Variants in SPIDR observed in about 807,000 individuals in gnomAD.
SPIDR encodes scaffold protein involved in DNA repair, also known as DNA repair-scaffolding protein.
SPIDR carries 93 observed loss-of-function variants against 104.6 expected under a neutral mutation model. That is an observed-to-expected ratio of 0.89 (90% CI 0.75 to 1.06). The LOEUF is 1.06. Ranked by LOEUF, SPIDR falls within the 50% of genes least tolerant of loss-of-function variation. SPIDR has a pLI of 0.00. For synonymous variants in SPIDR, 431 were observed against 416.9 expected (o/e 1.03, Z -0.41); for missense variants, 1,154 against 1,111.2 (o/e 1.04, Z -0.55).
chr8:47,696,284 C>T (rs950495803), intron 11 of SPIDR, among the ~76,000 whole-genome samples: 2 of 152,144 alleles, frequency 1.3e-5, no homozygotes, highest in African/African-American at 4.8e-5. Context: ...TAGATTTTGA[C>T]AGCTTCCAAA....
intron 5 of SPIDR, 52 bp from the exon 6 acceptor site, chr8:47,396,324 A>C (rs1380038614): frequency 8.3e-6 from 12 of 1,441,216 alleles, no homozygotes; most frequent in Admixed American, 1.8e-5. Context: ...GTGGACTTGA[A>C]TAAAGTATCC....
intron 5 of SPIDR, among the ~76,000 whole-genome samples, chr8:47,302,031 G>T (rs2042170554): frequency 7.2e-6 from 1 of 138,280 alleles, no homozygotes; most frequent in Non-Finnish European, 1.6e-5. Flanking sequence ...ATAATATCCT[G>T]CAGAGTGTTT....
chr8:47,367,927 C>T (rs921003899), intron 5 of SPIDR, among the ~76,000 whole-genome samples: 18 of 152,234 alleles, frequency 1.2e-4, no homozygotes, highest in African/African-American at 3.4e-4. Context: ...AATTGTAGGA[C>T]GATGCTTGTT....
At chr8:47,482,456 C>T (rs1029240906) in intron 8 of SPIDR, among the ~76,000 whole-genome samples, 4 of 152,076 alleles carry the variant, frequency 2.6e-5, no homozygotes, top group African/African-American at 4.8e-5. Flanking sequence ...CTCATGACTT[C>T]GTCTCCTAGA....
At chr8:47,498,666 G>C (rs1182514823) in intron 8 of SPIDR, among the ~76,000 whole-genome samples, 1 of 152,094 alleles carries the variant, frequency 6.6e-6, no homozygotes, top group Non-Finnish European at 1.5e-5. Context: ...CTGCCTAAGG[G>C]AGAGAATATC....
intron 5 of SPIDR, among the ~76,000 whole-genome samples, chr8:47,348,620 A>C (rs1554620029): frequency 6.6e-6 from 1 of 152,186 alleles, no homozygotes; most frequent in Non-Finnish European, 1.5e-5. Context: ...GTGTTTTCAC[A>C]TAGTCTCATA....
chr8:47,620,014 A>G (rs2064905992), intron 10 of SPIDR, among the ~76,000 whole-genome samples: 1 of 152,206 alleles, frequency 6.6e-6, no homozygotes, highest in African/African-American at 2.4e-5. Flanking sequence ...GGAGCCCACT[A>G]TCTTTTCAGG....
At chr8:47,488,992 T>A (rs1257575970) in intron 8 of SPIDR, among the ~76,000 whole-genome samples, 22 of 152,174 alleles carry the variant, frequency 1.4e-4, no homozygotes, top group Non-Finnish European at 2.8e-4. Flanking sequence ...GTGTTGGAAG[T>A]TCTGGCCAGG....
Position 47,672,868 on chromosome 8 carries a change from T to C in SPIDR, c.1545-933T>C, listed in dbSNP as rs560445629. ...AAGGTGCTTTTTTTCAGACAGGATA[T>C]ATTTCTGCTTCTCTTGCAAACCAGC... On this transcript the variant is annotated intron_variant, in intron 10 of 19. Transcript: ENST00000297423. 1.5e-3 allele frequency among the ~76,000 whole-genome samples: 221 copies of C among 152,314 alleles called. 4 individuals carry two copies. The South Asian group carries it at 0.045, about 31-fold the overall frequency.
intron 5 of SPIDR, among the ~76,000 whole-genome samples, chr8:47,333,100 A>G (rs932742326): frequency 9.2e-5 from 14 of 152,142 alleles, no homozygotes; most frequent in Non-Finnish European, 1.8e-4. Context: ...ACACAGGGTC[A>G]GGATCATCAG....
intron 2 of SPIDR, among the ~76,000 whole-genome samples, chr8:47,282,570 T>C (rs2038002593): frequency 6.6e-6 from 1 of 152,252 alleles, no homozygotes; most frequent in Non-Finnish European, 1.5e-5. Context: ...CTTCATAGAA[T>C]TGAAGAGAGT....
chr8:47,475,904 AT>A (rs2076236494), intron 8 of SPIDR, among the ~76,000 whole-genome samples: 1 of 152,038 alleles, frequency 6.6e-6, no homozygotes, highest in Non-Finnish European at 1.5e-5. Context: ...AGAAAAGTCT[AT>A]TTTTTTGGTT....
intron 9 of SPIDR, 62 bp from the exon 10 acceptor site, chr8:47,598,884 G>A (rs1019101741): frequency 2.5e-6 from 4 of 1,601,342 alleles, no homozygotes; most frequent in Non-Finnish European, 3.4e-6. Flanking sequence ...CATGTTGCTT[G>A]TTGTTAGCCG....
At chr8:47,275,982 G>C (rs1045875131) in intron 1 of SPIDR, among the ~76,000 whole-genome samples, 25 of 152,178 alleles carry the variant, frequency 1.6e-4, no homozygotes, top group African/African-American at 5.8e-4. Context: ...TCAGACCCCT[G>C]AGTAGCTGGG....
chr8:47,561,829 A>G (rs2057116466), intron 8 of SPIDR, among the ~76,000 whole-genome samples: 1 of 152,218 alleles, frequency 6.6e-6, no homozygotes, highest in Non-Finnish European at 1.5e-5. Flanking sequence ...TAACTGACAC[A>G]TTATATCTCG....
intron 8 of SPIDR, among the ~76,000 whole-genome samples, chr8:47,487,325 C>T (rs1307748477): frequency 6.6e-6 from 1 of 152,146 alleles, no homozygotes; most frequent in Non-Finnish European, 1.5e-5. Context: ...TATATATGCA[C>T]CCAGTACAGG....
chr8:47,390,829 G>C lies in SPIDR; in HGVS notation c.526-5547G>C, dbSNP rs79027381. On this transcript the variant is annotated intron_variant, in intron 5 of 19. Transcript: ENST00000297423. ...AACAAAGTAATTAAACAGTTGAGCT[G>C]TGATCAAAAACAAATCTGTCTTGTT... Among the ~76,000 whole-genome samples, 449 of 152,296 alleles carry C rather than the reference G, an allele frequency of 2.9e-3. 10 individuals carry two copies. In the East Asian group the frequency reaches 0.046, roughly 16 times the overall value.
At chr8:47,622,806 A>G (rs1190222738) in intron 10 of SPIDR, among the ~76,000 whole-genome samples, 9 of 152,222 alleles carry the variant, frequency 5.9e-5, no homozygotes, top group East Asian at 3.8e-4. Context: ...AACCTCATAC[A>G]TTAAAAGGCT....
chr8:47,532,297 G>A (rs542316387), intron 8 of SPIDR, among the ~76,000 whole-genome samples: 3 of 152,034 alleles, frequency 2.0e-5, no homozygotes, highest in South Asian at 2.1e-4. Flanking sequence ...TCGAACTCCC[G>A]ACCTCAGGTG....
Sources: gnomAD v4.1 joint callset for allele counts (sites outside exome capture counted in the v4.1 genomes callset) on GRCh38, gnomAD v4.1.1 for gene constraint, MANE v1.5 for transcripts, NCBI Gene and HGNC (gene_info 2026-07-23, HGNC 2026-07-21) for gene names.